Variants in UNC13C observed in about 807,000 individuals in gnomAD.
UNC13C encodes the protein unc-13 homolog C.
A neutral mutation model predicts 245.4 loss-of-function variants in UNC13C; 174 were observed. That is an observed-to-expected ratio of 0.71 (90% CI 0.63 to 0.80). The LOEUF (loss-of-function observed/expected upper bound fraction) is 0.80. Among genes scored for constraint, UNC13C ranks in the 30% least tolerant of loss-of-function variants. The pLI is 0.00. For synonymous variants in UNC13C, 992 were observed against 895.1 expected (o/e 1.11, Z -1.93); for missense variants, 2,829 against 2,602.9 (o/e 1.09, Z -1.89).
chr15:54,471,036 G>C (rs901635416), intron 19 of UNC13C, among the ~76,000 whole-genome samples: 3 of 150,782 alleles, frequency 2.0e-5, no homozygotes, highest in African/African-American at 4.9e-5. Context: ...TCCTGTTATT[G>C]CTTTCTAGTT....
At chr15:54,128,220 A>G (rs1213257362) in intron 2 of UNC13C, among the ~76,000 whole-genome samples, 1 of 152,200 alleles carries the variant, frequency 6.6e-6, no homozygotes, top group Non-Finnish European at 1.5e-5. Context: ...GAGGTGAAAG[A>G]TTTCTACAAG....
chr15:54,383,258 C>G (rs972751425), intron 17 of UNC13C, among the ~76,000 whole-genome samples: 8 of 152,122 alleles, frequency 5.3e-5, no homozygotes, highest in Non-Finnish European at 1.0e-4. Flanking sequence ...AGACCAATAT[C>G]TCTGATAAAT....
chr15:54,140,380 C>T (rs770890336), intron 2 of UNC13C, among the ~76,000 whole-genome samples: 3 of 151,946 alleles, frequency 2.0e-5, no homozygotes, highest in Non-Finnish European at 4.4e-5. Flanking sequence ...TCCTATATTT[C>T]AGGAATGTGG....
intron 2 of UNC13C, among the ~76,000 whole-genome samples, chr15:54,115,522 G>A (rs1438364479): frequency 2.0e-5 from 3 of 151,862 alleles, no homozygotes; most frequent in African/African-American, 7.3e-5. Flanking sequence ...CATAATCGAG[G>A]TACATATTTT....
the UNC13C span, among the ~76,000 whole-genome samples, chr15:53,845,322 C>A: frequency 5.1e-4 from 69 of 135,028 alleles, no homozygotes; most frequent in South Asian, 9.8e-4. Context: ...GAGAGTCTCT[C>A]AAAAAAAAAA....
chr15:54,536,704 A>G (rs1895997590), intron 26 of UNC13C, among the ~76,000 whole-genome samples: 1 of 152,168 alleles, frequency 6.6e-6, no homozygotes, highest in Non-Finnish European at 1.5e-5. Context: ...GTGATTCACC[A>G]TATAAACAGA....
chr15:53,865,295 A>G, the UNC13C span, among the ~76,000 whole-genome samples: 34 of 152,276 alleles, frequency 2.2e-4, no homozygotes, highest in Middle Eastern at 3.4e-3. Flanking sequence ...CTGACAGAAT[A>G]CAGACAGGGA....
chr15:54,161,008 G>A (rs1335369781), intron 4 of UNC13C, among the ~76,000 whole-genome samples: 1 of 152,154 alleles, frequency 6.6e-6, no homozygotes, highest in Admixed American at 6.5e-5. Flanking sequence ...GCTGTTGTGA[G>A]TAACAGGACA....
At chr15:53,944,611 T>G in the UNC13C span, among the ~76,000 whole-genome samples, 1 of 152,250 alleles carries the variant, frequency 6.6e-6, no homozygotes, top group Non-Finnish European at 1.5e-5. Context: ...TGTTGCTGTA[T>G]AGTATATATG....
intron 10 of UNC13C, among the ~76,000 whole-genome samples, chr15:54,273,452 T>C (rs1043982424): frequency 2.0e-5 from 3 of 152,232 alleles, no homozygotes; most frequent in African/African-American, 7.2e-5. Context: ...TTCCCCATGG[T>C]ATATCATAGC....
At chr15:54,540,512 G>C (rs1896196793) in intron 26 of UNC13C, among the ~76,000 whole-genome samples, 1 of 151,998 alleles carries the variant, frequency 6.6e-6, no homozygotes, top group Non-Finnish European at 1.5e-5. Context: ...AATTAAAGAG[G>C]CATTTGCTAG....
intron 17 of UNC13C, among the ~76,000 whole-genome samples, chr15:54,338,865 A>G (rs769435213): frequency 1.3e-4 from 19 of 151,900 alleles, no homozygotes; most frequent in Non-Finnish European, 2.5e-4. Context: ...ATATCATTTT[A>G]TTTTATTTAT....
chr15:53,940,713 C>T, the UNC13C span, among the ~76,000 whole-genome samples: 10 of 152,058 alleles, frequency 6.6e-5, no homozygotes, highest in African/African-American at 9.7e-5. Context: ...AACTCCCATT[C>T]GCAATTGCCA....
chr15:54,221,755 C>G (rs143820091), intron 4 of UNC13C, among the ~76,000 whole-genome samples: 12 of 152,108 alleles, frequency 7.9e-5, no homozygotes, highest in Non-Finnish European at 1.3e-4. Context: ...GACCCACAGT[C>G]TTCAATTAAT....
intron 17 of UNC13C, among the ~76,000 whole-genome samples, chr15:54,370,227 T>C (rs1373937413): frequency 6.6e-6 from 1 of 152,058 alleles, no homozygotes; most frequent in Non-Finnish European, 1.5e-5. Flanking sequence ...TGTACAGATA[T>C]CCAGTCTCTT....
chr15:53,851,873 G>C, the UNC13C span, among the ~76,000 whole-genome samples: 4 of 152,182 alleles, frequency 2.6e-5, no homozygotes, highest in Non-Finnish European at 5.9e-5. Flanking sequence ...GGGAGGACAA[G>C]GAAGCTCTGT....
Position 54,507,895 on chromosome 15 carries a change from A to T in UNC13C, c.5379+701A>T, listed in dbSNP as rs58447925. Among the ~76,000 whole-genome samples the T allele has an allele frequency of 5.5e-3, 824 of 150,350 alleles. 18 individuals carry two copies. In the East Asian group the frequency reaches 0.077, roughly 14 times the overall value. ...AAAAGTGAGTATAGGGTTTTTTTTT[A>T]AAAAAAAGAAAAACCAGTTTTTTCC... is the stretch of plus-strand genomic sequence containing the variant. On this transcript the variant is annotated intron_variant, in intron 23 of 32. Coordinates refer to ENST00000260323, the MANE Select transcript of UNC13C (RefSeq NM_001080534.3).
chr15:54,491,034 T>C lies in UNC13C; in HGVS notation c.4934-3574T>C, dbSNP rs545595916. Reference sequence around the variant, plus strand: ...TTGTATTGAATTGAAAGTTAACATATCACCCTTTCTTCCTAAGCTCCATCT... The same window carrying C: ...TTGTATTGAATTGAAAGTTAACATACCACCCTTTCTTCCTAAGCTCCATCT... On this transcript the variant is annotated intron_variant, in intron 19 of 32. Coordinates refer to ENST00000260323, the MANE Select transcript of UNC13C (RefSeq NM_001080534.3). 1.2e-4 allele frequency among the ~76,000 whole-genome samples: 18 copies of C among 152,328 alleles called. No homozygotes were observed. The South Asian group carries it at 2.3e-3, about 19-fold the overall frequency.
chr15:53,979,409 T>G (rs1893834265), intron 1 of UNC13C, among the ~76,000 whole-genome samples: 1 of 124,382 alleles, frequency 8.0e-6, no homozygotes, highest in Non-Finnish European at 1.8e-5. Flanking sequence ...CAATGATTTT[T>G]TTATTTCTAG....
Sources: allele counts gnomAD v4.1 joint callset (sites outside exome capture counted in the v4.1 genomes callset), GRCh38; gene constraint gnomAD v4.1.1; transcripts MANE v1.5; gene names NCBI Gene and HGNC (gene_info 2026-07-23, HGNC 2026-07-21).